Variants in CEP128 observed in about 807,000 individuals in gnomAD.
CEP128 encodes the protein centrosomal protein 128kDa.
CEP128 carries 132 observed loss-of-function variants against 156.7 expected under a neutral mutation model. That is an observed-to-expected ratio of 0.84 (90% CI 0.73 to 0.97). The LOEUF (loss-of-function observed/expected upper bound fraction) is 0.97, where lower values mean the gene tolerates loss of function less well. CEP128 is among the 50% of genes least tolerant of loss of function. The probability of loss-of-function intolerance (pLI) is 0.00; values close to 1 mark genes in which losing one functional copy is unlikely to be tolerated. For missense variants in CEP128, 1,252 were observed against 1,281.9 expected (o/e 0.98, Z 0.36); for synonymous variants, 469 against 448.9 (o/e 1.04, Z -0.57).
chr14:80,880,494 A>G (rs940839990), intron 8 of CEP128, among the ~76,000 whole-genome samples: 18 of 152,180 alleles, frequency 1.2e-4, no homozygotes, highest in Non-Finnish European at 1.9e-4. Context: ...AAAAAAAGAA[A>G]TAAAATGCAT....
chr14:80,914,405 T>C lies in CEP128; in HGVS notation c.151A>G (p.Thr51Ala), dbSNP rs746500496. Residue 51 changes from threonine to alanine, a missense_variant, in exon 4 of 25, where the codon ACC becomes GCC. Physicochemically the swap from Thr to Ala is moderately conservative, Grantham distance 58. Coordinates refer to ENST00000555265, the MANE Select transcript of CEP128 (RefSeq NM_152446.5). ...TCCACTTGTCGCAGGTTCCGACTGG[T>C]ATCCTTGAGAAAGAAAATGGACTGA... ...VNTITSTLQD[T>A]SRNLRQVDQM... The C allele has an allele frequency of 6.2e-7, 1 of 1,612,298 alleles. No individual in the cohort carries two copies. Among genetic ancestry groups the C allele is most frequent in the Admixed American group, 1.7e-5 (1 of 60,010 alleles).
At chr14:80,486,223 C>G (rs1033728502), downstream of CEP128, among the ~76,000 whole-genome samples, 9 of 151,968 alleles carry the variant, frequency 5.9e-5, no homozygotes, top group South Asian at 1.9e-3. Context: ...GCGAAGAATG[C>G]AGAAGCCTCA....
chr14:80,739,523 A>G (rs1898697740), intron 19 of CEP128, among the ~76,000 whole-genome samples: 1 of 152,158 alleles, frequency 6.6e-6, no homozygotes, highest in African/African-American at 2.4e-5. Context: ...CTCAACATAC[A>G]TAATCAGGCT....
chr14:80,949,884 A>T (rs1886425204), intron 2 of CEP128, among the ~76,000 whole-genome samples: 1 of 152,222 alleles, frequency 6.6e-6, no homozygotes, highest in Non-Finnish European at 1.5e-5. Context: ...CCCAGAATTG[A>T]CAAAAATATA....
intron 8 of CEP128, among the ~76,000 whole-genome samples, chr14:80,884,625 C>T (rs1888711120): frequency 6.6e-6 from 1 of 152,188 alleles, no homozygotes; most frequent in African/African-American, 2.4e-5. Context: ...TGCTATCCGG[C>T]CCAGACACTA....
chr14:80,749,991 T>G (rs142041992), intron 18 of CEP128, among the ~76,000 whole-genome samples: 3 of 152,140 alleles, frequency 2.0e-5, no homozygotes, highest in Admixed American at 1.3e-4. Context: ...AAAATGAACA[T>G]GGACTGATAA....
chr14:80,528,290 A>G (rs112746699), intron 22 of CEP128, among the ~76,000 whole-genome samples: 32 of 152,216 alleles, frequency 2.1e-4, no homozygotes, highest in African/African-American at 7.7e-4. Context: ...GAGCTGAAAC[A>G]ATTCTTTTTT....
chr14:80,891,190 A>G (rs2139372639), intron 8 of CEP128, among the ~76,000 whole-genome samples: 1 of 152,292 alleles, frequency 6.6e-6, no homozygotes, highest in Admixed American at 6.5e-5. Flanking sequence ...TGATCCAGCA[A>G]TCCCACTGCT....
At chr14:80,605,594 T>C (rs1892744488) in intron 19 of CEP128, among the ~76,000 whole-genome samples, 1 of 152,050 alleles carries the variant, frequency 6.6e-6, no homozygotes, top group South Asian at 2.1e-4. Context: ...TACTCTATCA[T>C]CTGGAAGCAG....
chr14:80,578,501 G>T (rs1891451516), intron 20 of CEP128, among the ~76,000 whole-genome samples: 1 of 152,138 alleles, frequency 6.6e-6, no homozygotes. Context: ...TCTCCCTTCT[G>T]GGATCATCTA....
intron 19 of CEP128, among the ~76,000 whole-genome samples, chr14:80,707,630 C>T (rs111967298): frequency 0.022 from 3,309 of 152,084 alleles, 124 homozygotes; most frequent in African/African-American, 0.075. Context: ...AAGATAAAAT[C>T]CAACATGAGG....
At chr14:80,576,172 C>T (rs1338270134) in intron 20 of CEP128, among the ~76,000 whole-genome samples, 1 of 152,070 alleles carries the variant, frequency 6.6e-6, no homozygotes, top group African/African-American at 2.4e-5. Flanking sequence ...CGCTATTAGC[C>T]ATCACGAGCA....
chr14:80,919,015 T>A (rs981049715), intron 2 of CEP128, among the ~76,000 whole-genome samples: 1 of 152,220 alleles, frequency 6.6e-6, no homozygotes, highest in Non-Finnish European at 1.5e-5. Flanking sequence ...AATTTTCATT[T>A]TAACAAGTCA....
intron 19 of CEP128, among the ~76,000 whole-genome samples, chr14:80,690,554 A>C (rs1310615561): frequency 6.6e-6 from 1 of 152,194 alleles, no homozygotes; most frequent in African/African-American, 2.4e-5. Flanking sequence ...TTTAAAGAGA[A>C]ATATAACAAC....
intron 19 of CEP128, among the ~76,000 whole-genome samples, chr14:80,684,263 A>G (rs1305827895): frequency 1.3e-5 from 2 of 152,152 alleles, no homozygotes; most frequent in Admixed American, 6.6e-5. Flanking sequence ...CAAAGGTGAC[A>G]TTACAGCCAT....
At position 80,761,505 on chromosome 14, in the gene CEP128, C is replaced by G. The variant is rs1190350832; in HGVS notation, c.2485G>C (p.Gly829Arg). Residue 829 changes from glycine (G) to arginine (R), a missense_variant, in exon 17 of 25, where the codon GGT (glycine) becomes CGT (arginine). Transcript: ENST00000555265. ...GCATCAATTTCCTTTCCTATCACAC[C>G]AAGAATGGATTCCTGTTCAGTCTCC... ...CLETEQESIL[G>R]VIGKEIDAAC... is the part of the protein sequence containing the mutation. 4 of 1,611,816 alleles carry G rather than the reference C, an allele frequency of 2.5e-6. No individual in the cohort carries two copies. The African/African-American group carries it at 5.3e-5, about 22-fold the overall frequency.
At position 80,729,789 on chromosome 14, in the gene CEP128, T is replaced by C. The variant is rs1898195472; in HGVS notation, c.2806+13286A>G. ...TATTTGCTTGAAGATAGGTATTTAA[T>C]TGAAATTACATTTACTTCTCCTTTC... is the stretch of plus-strand genomic sequence containing the variant. On this transcript the variant is annotated intron_variant, in intron 19 of 24. Coordinates refer to ENST00000555265, the MANE Select transcript of CEP128 (RefSeq NM_152446.5). Among the ~76,000 whole-genome samples the C allele has an allele frequency of 2.0e-5, 3 of 152,240 alleles. No homozygotes were observed. In the South Asian group the frequency reaches 6.2e-4, roughly 31 times the overall value.
chr14:80,897,663 C>T (rs551062780), intron 7 of CEP128, among the ~76,000 whole-genome samples: 2 of 152,222 alleles, frequency 1.3e-5, no homozygotes, highest in Admixed American at 1.3e-4. Flanking sequence ...CTTTGATTTC[C>T]AAAAACAGTA....
intron 19 of CEP128, among the ~76,000 whole-genome samples, chr14:80,613,600 C>T (rs766448024): frequency 1.3e-5 from 2 of 151,982 alleles, no homozygotes; most frequent in East Asian, 3.9e-4. Flanking sequence ...TGACCCACCG[C>T]GCCTGGCCGG....
Sources: gnomAD v4.1 joint callset for allele counts (sites outside exome capture counted in the v4.1 genomes callset) on GRCh38, gnomAD v4.1.1 for gene constraint, MANE v1.5 for transcripts, NCBI Gene and HGNC (gene_info 2026-07-23, HGNC 2026-07-21) for gene names.